The following DOCK2 variants were observed in gnomAD, a reference collection of about 807,000 sequenced individuals.
DOCK2 encodes dedicator of cytokinesis protein 2.
DOCK2 carries 87 observed loss-of-function variants against 248.9 expected under a neutral mutation model. That is an observed-to-expected ratio of 0.35 (90% CI 0.29 to 0.42). The LOEUF is 0.42. DOCK2 is among the 10% of genes least tolerant of loss of function. The pLI is 1.00. For synonymous variants in DOCK2, 805 were observed against 821.6 expected (o/e 0.98, Z 0.35); for missense variants, 1,747 against 2,300.2 (o/e 0.76, Z 4.92).
chr5:170,047,622 TGG>T lies in DOCK2; in HGVS notation c.4071+12_4071+13del. ...TTCCCCTCCTTCCTGCGGGTGAGTT[TGG>T]GGGTGACTTGGACACCAGGCGAGAG... On this transcript the variant is annotated intron_variant, in intron 40 of 51. Coordinates refer to ENST00000520908, the MANE Select transcript of DOCK2 (RefSeq NM_004946.3). 3.7e-6 allele frequency: 6 copies of T among 1,613,402 alleles called. No homozygotes were observed. The highest frequency in any genetic ancestry group is 5.1e-6 in the Non-Finnish European group (6 of 1,179,608).
chr5:169,964,465 T>C (rs766862341), intron 27 of DOCK2, among the ~76,000 whole-genome samples: 13 of 152,220 alleles, frequency 8.5e-5, no homozygotes, highest in Non-Finnish European at 1.8e-4. Context: ...CTAGACGCAG[T>C]GAACTGTGTC....
chr5:169,969,838 G>T (rs1777436331), intron 27 of DOCK2, among the ~76,000 whole-genome samples: 2 of 152,242 alleles, frequency 1.3e-5, no homozygotes, highest in Non-Finnish European at 2.9e-5. Context: ...CTCTCTTCAG[G>T]GGGCAGCTCC....
chr5:170,065,953 GT>G (rs34658795), intron 44 of DOCK2, among the ~76,000 whole-genome samples: 65 of 133,350 alleles, frequency 4.9e-4, no homozygotes, highest in Admixed American at 6.8e-4. Flanking sequence ...AATGAAAACT[GT>G]TTTTTTTTTT....
chr5:169,761,657 T>G (rs749216385), intron 25 of DOCK2, 32 bp downstream of exon 25: 1 of 1,590,770 alleles, frequency 6.3e-7, no homozygotes. Context: ...TGGGGTGGGG[T>G]AAGGGGCCAA....
At chr5:169,901,365 T>G (rs1245886414) in intron 27 of DOCK2, among the ~76,000 whole-genome samples, 1 of 152,202 alleles carries the variant, frequency 6.6e-6, no homozygotes, top group East Asian at 1.9e-4. Flanking sequence ...AAGGCCACAT[T>G]AAGTCTTTTG....
intron 27 of DOCK2, among the ~76,000 whole-genome samples, chr5:169,921,366 C>A (rs765380322): frequency 6.6e-6 from 1 of 152,168 alleles, no homozygotes; most frequent in South Asian, 2.1e-4. Context: ...ATTGTTCTTT[C>A]TCAGCATAGG....
intron 46 of DOCK2, among the ~76,000 whole-genome samples, chr5:170,073,948 C>A (rs948740439): frequency 6.6e-6 from 1 of 152,074 alleles, no homozygotes; most frequent in African/African-American, 2.4e-5. Flanking sequence ...CGTGTCCACT[C>A]TCACCTTTAT....
chr5:169,824,975 T>G (rs145237707), intron 26 of DOCK2, among the ~76,000 whole-genome samples: 13,828 of 152,220 alleles, frequency 0.091, 679 homozygotes, highest in Admixed American at 0.13. Context: ...GAACAGATAC[T>G]TTTCAAAAGA....
intron 46 of DOCK2, among the ~76,000 whole-genome samples, chr5:170,073,832 T>G (rs978927986): frequency 6.6e-6 from 1 of 152,206 alleles, no homozygotes; most frequent in Non-Finnish European, 1.5e-5. Context: ...ACCTTGTATT[T>G]TCTTGATTAG....
intron 26 of DOCK2, among the ~76,000 whole-genome samples, chr5:169,824,514 C>T (rs1431540801): frequency 6.6e-6 from 1 of 152,094 alleles, no homozygotes; most frequent in Non-Finnish European, 1.5e-5. Flanking sequence ...GAAAAACAAG[C>T]AATGGGGAAA....
intron 27 of DOCK2, among the ~76,000 whole-genome samples, chr5:169,935,646 G>A (rs1009046911): frequency 2.6e-5 from 4 of 152,324 alleles, no homozygotes; most frequent in Admixed American, 6.5e-5. Flanking sequence ...TAGTGAGGTG[G>A]TGATGAACGT....
chr5:169,672,082 C>T (rs1217740004), intron 5 of DOCK2, among the ~76,000 whole-genome samples: 1 of 152,088 alleles, frequency 6.6e-6, no homozygotes, highest in Non-Finnish European at 1.5e-5. Context: ...TCTTGGCTCA[C>T]TGCAGCCTCT....
intron 3 of DOCK2, 141 bp downstream of exon 3, chr5:169,669,469 C>G: frequency 1.1e-6 from 1 of 887,096 alleles, no homozygotes; most frequent in Non-Finnish European, 1.8e-6. Flanking sequence ...GCTCTCTGAC[C>G]TCTGTGCCTT....
At chr5:169,668,933 A>ATTC (rs1758878671) in intron 2 of DOCK2, among the ~76,000 whole-genome samples, 1 of 152,160 alleles carries the variant, frequency 6.6e-6, no homozygotes, top group Non-Finnish European at 1.5e-5. Flanking sequence ...AATGGACACA[A>ATTC]GGGAGGGGCT....
At chr5:170,060,800 G>A (rs550274476) in intron 44 of DOCK2, among the ~76,000 whole-genome samples, 1 of 152,224 alleles carries the variant, frequency 6.6e-6, no homozygotes, top group South Asian at 2.1e-4. Flanking sequence ...GGGAGGCTGG[G>A]GTGGGCGGAT....
At position 170,015,805 on chromosome 5, in the gene DOCK2, CTTCCCTCCCTCCCTCCTTTTCTTCT is replaced by C. The variant is rs1452090115; in HGVS notation, c.3233-3110_3233-3086del. 2.6e-4 allele frequency among the ~76,000 whole-genome samples: 39 copies of C among 150,926 alleles called. No homozygotes were observed. In the East Asian group the frequency reaches 4.3e-3, roughly 17 times the overall value. ...GCCTCCCTCCCTCCCTCCTTTCTCC[CTTCCCTCCCTCCCTCCTTTTCTTCT>C]TTCCCTCCCTCCCTCCTTTTCTTCT... is the stretch of plus-strand genomic sequence containing the variant. On this transcript the variant is annotated intron_variant, in intron 32 of 51. Transcript: ENST00000520908.
At chr5:169,924,052 G>T (rs1308428617) in intron 27 of DOCK2, among the ~76,000 whole-genome samples, 2 of 152,160 alleles carry the variant, frequency 1.3e-5, no homozygotes, top group Non-Finnish European at 2.9e-5. Flanking sequence ...ATTAGCTGAT[G>T]CCCCTTGTCT....
At chr5:169,712,266 G>A in intron 17 of DOCK2, 43 bp downstream of exon 17, 1 of 1,576,752 alleles carries the variant, frequency 6.3e-7, no homozygotes. Flanking sequence ...GGGAGTGCAG[G>A]AAGAAAGGGG....
intron 27 of DOCK2, among the ~76,000 whole-genome samples, chr5:169,968,892 T>A (rs1777397552): frequency 6.6e-6 from 1 of 152,180 alleles, no homozygotes; most frequent in Non-Finnish European, 1.5e-5. Context: ...TCTTTAAAAA[T>A]GAATTATGCA....
Sources: allele counts gnomAD v4.1 joint callset (sites outside exome capture counted in the v4.1 genomes callset), GRCh38; gene constraint gnomAD v4.1.1; transcripts MANE v1.5; gene names NCBI Gene and HGNC (gene_info 2026-07-23, HGNC 2026-07-21).